LMO7: variants seen among roughly 807,000 people sequenced by gnomAD.
The protein encoded by LMO7 is LIM domain 7, also known as LIM domain only protein 7.
Under a neutral mutation model 206.5 loss-of-function variants are expected in LMO7, and 120 were observed. That is an observed-to-expected ratio of 0.58 (90% CI 0.50 to 0.68). The LOEUF (loss-of-function observed/expected upper bound fraction) is 0.68. Among genes scored for constraint, LMO7 ranks in the 30% least tolerant of loss-of-function variants. The probability of loss-of-function intolerance (pLI) is 0.00; values close to 1 mark genes in which losing one functional copy is unlikely to be tolerated. For missense variants in LMO7, 1,959 were observed against 1,957.9 expected, an observed-to-expected ratio of 1.00 and a Z score of -0.01; for synonymous variants, 706 against 681.5, an observed-to-expected ratio of 1.04 and a Z score of -0.56.
At chr13:75,735,570 C>A (rs962096983) in intron 3 of LMO7, among the ~76,000 whole-genome samples, 1 of 151,988 alleles carries the variant, frequency 6.6e-6, no homozygotes, top group African/African-American at 2.4e-5. Context: ...GAAGCGATTC[C>A]CCTGCCTCAG....
At chr13:75,663,408 T>TTTTCTTTCTTTCTTTCTTTC (rs61405381) in intron 1 of LMO7, among the ~76,000 whole-genome samples, 2,436 of 115,830 alleles carry the variant, frequency 0.021, 66 homozygotes, top group East Asian at 0.076. Context: ...GTGAATTCTT[T>TTTTCTTTCTTTCTTTCTTTC]TTTCTTTCTT....
At position 75,806,061 on chromosome 13, in the gene LMO7, A is replaced by G; in HGVS notation, c.1196+301A>G. 6 of 1,134,742 alleles carry G rather than the reference A, an allele frequency of 5.3e-6. No homozygotes were observed. The South Asian group carries it at 1.5e-4, about 28-fold the overall frequency. 70.3% of individuals were successfully genotyped at this position (1,134,742 alleles called of 1,614,324 possible). Reference sequence around the variant, plus strand: ...CTTTTCTTCATGTCACTCACAGTAGAAGGAATTCAGACTCTGAGGATGAGG... The same window carrying G: ...CTTTTCTTCATGTCACTCACAGTAGGAGGAATTCAGACTCTGAGGATGAGG... On this transcript the variant is annotated intron_variant, in intron 9 of 30. Transcript: ENST00000377534.
chr13:75,627,352 G>A (rs966415556), intron 2 of LMO7: 1 of 152,114 alleles, frequency 6.6e-6, no homozygotes, highest in Non-Finnish European at 1.5e-5. Flanking sequence ...GTTTAAGGAG[G>A]CTAGACTAAG....
At chr13:75,810,461 C>T (rs961460096) in intron 11 of LMO7, among the ~76,000 whole-genome samples, 2 of 152,186 alleles carry the variant, frequency 1.3e-5, no homozygotes, top group Non-Finnish European at 2.9e-5. Flanking sequence ...ATTGCAAGTA[C>T]TTGTTAGCCA....
chr13:75,690,231 C>G (rs2041351295), intron 1 of LMO7, among the ~76,000 whole-genome samples: 1 of 152,032 alleles, frequency 6.6e-6, no homozygotes, highest in African/African-American at 2.4e-5. Flanking sequence ...CTCCACATAG[C>G]CTGAGCCACC....
chr13:75,767,529 A>G (rs1289321519), intron 4 of LMO7, among the ~76,000 whole-genome samples: 2 of 151,998 alleles, frequency 1.3e-5, no homozygotes, highest in Non-Finnish European at 2.9e-5. Flanking sequence ...GCCTTAGTAC[A>G]CTTTTTACCT....
intron 1 of LMO7, among the ~76,000 whole-genome samples, chr13:75,691,274 G>A (rs755972802): frequency 6.6e-6 from 1 of 152,198 alleles, no homozygotes; most frequent in Non-Finnish European, 1.5e-5. Flanking sequence ...AATATTTGCA[G>A]TATTATTCAT....
chr13:75,681,926 G>T (rs912906583), intron 1 of LMO7, among the ~76,000 whole-genome samples: 1 of 151,654 alleles, frequency 6.6e-6, no homozygotes, highest in Non-Finnish European at 1.5e-5. Flanking sequence ...GATTTGGGTT[G>T]TTTCCAGTTT....
intron 3 of LMO7, among the ~76,000 whole-genome samples, chr13:75,749,177 A>G (rs533389134): frequency 2.9e-4 from 44 of 152,322 alleles, no homozygotes; most frequent in African/African-American, 8.7e-4. Flanking sequence ...AAGTGATGCT[A>G]AAGATCGTTG....
chr13:75,840,058 C>T, intron 20 of LMO7, 27 bp from the exon 21 acceptor site: 1 of 1,610,746 alleles, frequency 6.2e-7, no homozygotes, highest in Non-Finnish European at 8.5e-7. Context: ...GTATATTTTT[C>T]TTCCTTGCCC....
Position 75,727,075 on chromosome 13 carries a change from C to A in LMO7, c.187C>A (p.Leu63Met). The A allele has an allele frequency of 6.3e-7, 1 of 1,585,196 alleles. No individual in the cohort carries two copies. The highest frequency in any genetic ancestry group is 8.7e-7 in the Non-Finnish European group (1 of 1,155,238). The part of the protein sequence containing the change: ...KPGVIKKINR[L>M]STPIAGLDNI... ...TGGCGTCATTAAGAAGATCAATAGA[C>A]TGTCTACACCAATAGCAGGATTGGT... The change falls in exon 3 of 31, where the codon CTG becomes ATG. Residue 63 changes from leucine (L) to methionine (M), a missense_variant. Transcript: ENST00000377534.
chr13:75,707,435 G>A (rs970934451), intron 1 of LMO7, among the ~76,000 whole-genome samples: 10 of 151,696 alleles, frequency 6.6e-5, no homozygotes, highest in African/African-American at 2.4e-4. Context: ...TCTGTTTTAT[G>A]GCTATATCAT....
At chr13:75,773,810 A>G (rs1175964521) in intron 4 of LMO7, among the ~76,000 whole-genome samples, 1 of 152,202 alleles carries the variant, frequency 6.6e-6, no homozygotes, top group Non-Finnish European at 1.5e-5. Flanking sequence ...TTTGGGAGGC[A>G]TCTATGAAGC....
At chr13:75,779,833 A>G (rs1376886041) in intron 4 of LMO7, among the ~76,000 whole-genome samples, 3 of 152,158 alleles carry the variant, frequency 2.0e-5, no homozygotes, top group African/African-American at 4.8e-5. Flanking sequence ...CCAGCCCCCA[A>G]TATTTCAATG....
chr13:75,804,791 C>T, intron 8 of LMO7: 1 of 1,123,272 alleles, frequency 8.9e-7, no homozygotes, highest in African/African-American at 1.6e-5. Flanking sequence ...TGGTATTTTT[C>T]AGCTTACCAG....
chr13:75,647,951 C>CTTTTTTTTTTTTTTTTTTTTTT (rs570513211), intron 1 of LMO7, among the ~76,000 whole-genome samples: 2 of 91,148 alleles, frequency 2.2e-5, no homozygotes, highest in African/African-American at 8.1e-5. Flanking sequence ...TCTTTTCTTT[C>CTTTTTTTTTTTTTTTTTTTTTT]TTTTTTTTTT....
intron 7 of LMO7, 31 bp downstream of exon 7, chr13:75,800,913 G>T: frequency 6.3e-7 from 1 of 1,599,204 alleles, no homozygotes; most frequent in Non-Finnish European, 8.6e-7. Flanking sequence ...CAGTTTATTT[G>T]TTCACATATT....
chr13:75,794,011 A>G (rs189099207), intron 4 of LMO7, among the ~76,000 whole-genome samples: 1 of 152,346 alleles, frequency 6.6e-6, no homozygotes, highest in East Asian at 1.9e-4. Context: ...TTTCATTGCC[A>G]TATGATATTT....
intron 2 of LMO7, chr13:75,623,387 G>A (rs561937498): frequency 2.0e-5 from 17 of 869,156 alleles, no homozygotes; most frequent in African/African-American, 1.0e-4. Flanking sequence ...TTTTTGATAC[G>A]GAGTCTTGCT....
Sources: gnomAD v4.1 joint callset for allele counts (sites outside exome capture counted in the v4.1 genomes callset) on GRCh38, gnomAD v4.1.1 for gene constraint, MANE v1.5 for transcripts, NCBI Gene and HGNC (gene_info 2026-07-23, HGNC 2026-07-21) for gene names.